The following PAMR1 variants were observed in gnomAD, a reference collection of about 807,000 sequenced individuals.
The protein encoded by PAMR1 is peptidase domain containing associated with muscle regeneration 1.
Under a neutral mutation model 81.8 loss-of-function variants are expected in PAMR1, and 88 were observed. That is an observed-to-expected ratio of 1.08 (90% CI 0.91 to 1.28). The LOEUF is 1.28. Ranked by LOEUF, PAMR1 falls within the 50% of genes most tolerant of loss-of-function variation. The pLI is 0.00. For synonymous variants in PAMR1, 336 were observed against 345.3 expected (o/e 0.97, Z 0.30); for missense variants, 935 against 919.7 (o/e 1.02, Z -0.21).
intron 9 of PAMR1, 33 bp from the exon 10 acceptor site, chr11:35,434,837 C>A: frequency 6.3e-7 from 1 of 1,595,450 alleles, no homozygotes; most frequent in Non-Finnish European, 8.6e-7. Flanking sequence ...GTAAGATAAA[C>A]TCAGACTTTG....
intron 1 of PAMR1, among the ~76,000 whole-genome samples, chr11:35,505,854 A>C (rs984907472): frequency 1.3e-5 from 2 of 151,986 alleles, no homozygotes; most frequent in Non-Finnish European, 2.9e-5. Flanking sequence ...GTAAATTTAG[A>C]GTTGTTATTG....
intron 1 of PAMR1, among the ~76,000 whole-genome samples, chr11:35,503,251 T>C (rs929579926): frequency 3.3e-5 from 5 of 151,630 alleles, no homozygotes; most frequent in African/African-American, 1.2e-4. Flanking sequence ...CTTTGTAGTG[T>C]ACTTTGAAGT....
At chr11:35,498,199 G>T (rs1490753181) in intron 1 of PAMR1, among the ~76,000 whole-genome samples, 3 of 152,132 alleles carry the variant, frequency 2.0e-5, no homozygotes, top group Non-Finnish European at 2.9e-5. Flanking sequence ...TACCAGAAAA[G>T]GGCACATTTT....
intron 3 of PAMR1, among the ~76,000 whole-genome samples, chr11:35,478,815 G>A (rs892398220): frequency 6.6e-6 from 1 of 152,020 alleles, no homozygotes; most frequent in African/African-American, 2.4e-5. Flanking sequence ...TGCAGGAGAA[G>A]AGGGGTATAG....
intron 6 of PAMR1, among the ~76,000 whole-genome samples, chr11:35,452,791 T>C (rs1856445845): frequency 6.6e-6 from 1 of 152,228 alleles, no homozygotes; most frequent in Non-Finnish European, 1.5e-5. Context: ...TATTTTTATG[T>C]GTTCCCATAG....
chr11:35,446,213 TTTAA>T (rs1856288436), intron 6 of PAMR1, among the ~76,000 whole-genome samples: 2 of 152,168 alleles, frequency 1.3e-5, no homozygotes, highest in Non-Finnish European at 1.5e-5. Flanking sequence ...TATTTGATTC[TTTAA>T]TTAGTCTCTC....
chr11:35,455,791 A>G (rs554153913), intron 6 of PAMR1, among the ~76,000 whole-genome samples: 1 of 152,272 alleles, frequency 6.6e-6, no homozygotes, highest in East Asian at 1.9e-4. Context: ...TATGTTTAAT[A>G]TAGAAATTTT....
chr11:35,471,912 C>T (rs1168569464), intron 4 of PAMR1, among the ~76,000 whole-genome samples: 4 of 152,186 alleles, frequency 2.6e-5, no homozygotes, highest in Non-Finnish European at 4.4e-5. Context: ...TAACTGCTGC[C>T]TAAAATGTTG....
intron 6 of PAMR1, among the ~76,000 whole-genome samples, chr11:35,447,027 CAT>C (rs1249982393): frequency 3.9e-5 from 6 of 152,074 alleles, no homozygotes; most frequent in Non-Finnish European, 7.4e-5. Flanking sequence ...GTATTGGGTG[CAT>C]ATATGTTTAG....
chr11:35,442,594 T>C (rs1332287961), intron 6 of PAMR1, among the ~76,000 whole-genome samples: 1 of 151,534 alleles, frequency 6.6e-6, no homozygotes, highest in Non-Finnish European at 1.5e-5. Context: ...TTTTTCTTTT[T>C]TTTTCTTTTT....
intron 3 of PAMR1, among the ~76,000 whole-genome samples, chr11:35,476,434 G>C (rs953630294): frequency 1.3e-5 from 2 of 152,128 alleles, no homozygotes; most frequent in Non-Finnish European, 2.9e-5. Flanking sequence ...CATGAGATCT[G>C]ATGGTTTTAT....
intron 3 of PAMR1, among the ~76,000 whole-genome samples, chr11:35,488,195 A>G (rs1464866353): frequency 2.8e-5 from 3 of 108,946 alleles, no homozygotes; most frequent in Non-Finnish European, 5.4e-5. Flanking sequence ...ACCCTTTCCC[A>G]TCTTTTTTTT....
chr11:35,479,684 T>C (rs942884707), intron 3 of PAMR1, among the ~76,000 whole-genome samples: 4 of 152,204 alleles, frequency 2.6e-5, no homozygotes, highest in African/African-American at 9.7e-5. Flanking sequence ...GATTAGATGA[T>C]GAAGACCCTA....
intron 3 of PAMR1, among the ~76,000 whole-genome samples, chr11:35,484,755 C>A (rs751504654): frequency 2.0e-5 from 3 of 152,208 alleles, no homozygotes; most frequent in Non-Finnish European, 2.9e-5. Flanking sequence ...TGCCCAGTAT[C>A]CTTCAGGGAC....
At chr11:35,488,206 T>C (rs953211482) in intron 3 of PAMR1, among the ~76,000 whole-genome samples, 5 of 146,582 alleles carry the variant, frequency 3.4e-5, no homozygotes, top group Non-Finnish European at 6.0e-5. Context: ...TCTTTTTTTT[T>C]TTTTTTTTTT....
At chr11:35,515,824 A>G (rs1019698279) in intron 1 of PAMR1, among the ~76,000 whole-genome samples, 9 of 144,318 alleles carry the variant, frequency 6.2e-5, no homozygotes, top group African/African-American at 2.3e-4. Flanking sequence ...ATGTATGCCA[A>G]GTCTTTTGGG....
At chr11:35,455,947 T>C (rs1856521339) in intron 6 of PAMR1, among the ~76,000 whole-genome samples, 1 of 152,034 alleles carries the variant, frequency 6.6e-6, no homozygotes, top group African/African-American at 2.4e-5. Flanking sequence ...CACTTACTTA[T>C]TCCCCAGGTC....
chr11:35,513,302 A>G (rs923228436), intron 1 of PAMR1: 1 of 152,260 alleles, frequency 6.6e-6, no homozygotes. Context: ...ACAACCCTAT[A>G]GCATAGGGAC....
In PAMR1 at chr11:35,494,168, C is replaced by T. The variant is rs755103071; in HGVS notation, c.178G>A (p.Glu60Lys). The T allele has an allele frequency of 1.9e-6, 3 of 1,614,006 alleles. No homozygotes were observed. The Admixed American group carries it at 5.0e-5, about 27-fold the overall frequency. ...CAAGGGATGGTATAACCCACGACTT[C>T]CCTCTTTCCGGGGCAGACGCACTCA... Reference protein sequence around the residue: ...QIECVCPGKREVVGYTIPCCR... With the variant: ...QIECVCPGKRKVVGYTIPCCR... Residue 60 changes from glutamate to lysine, a missense_variant, in exon 2 of 11, where the codon GAA becomes AAA. Coordinates refer to ENST00000619888, the MANE Select transcript of PAMR1 (RefSeq NM_001001991.3).
Sources: gnomAD v4.1 joint callset for allele counts (sites outside exome capture counted in the v4.1 genomes callset) on GRCh38, gnomAD v4.1.1 for gene constraint, MANE v1.5 for transcripts, NCBI Gene and HGNC (gene_info 2026-07-23, HGNC 2026-07-21) for gene names.